THTPA: variants seen among roughly 807,000 people sequenced by gnomAD.
The protein encoded by THTPA is thiamine-triphosphatase.
A neutral mutation model predicts 16.5 loss-of-function variants in THTPA; 16 were observed. The ratio of observed to expected loss-of-function variants is 0.97; its 90% CI spans 0.66 to 1.47. The LOEUF is 1.47. THTPA is among the 40% of genes most tolerant of loss of function. The pLI, the probability that THTPA is intolerant of heterozygous loss-of-function variation, is 0.00. For synonymous variants in THTPA, 110 were observed against 115.5 expected (o/e 0.95, Z 0.30); for missense variants, 281 against 280.9 (o/e 1.00, Z 0.00).
At chr14:23,522,382 A>G in the THTPA span, 1 of 1,536,276 alleles carries the variant, frequency 6.5e-7, no homozygotes. Flanking sequence ...TCAGCAGCTC[A>G]TCAACCTCAC....
chr14:23,531,011 G>A, the THTPA span: 1 of 159,178 alleles, frequency 6.3e-6, no homozygotes, highest in Non-Finnish European at 1.4e-5. Context: ...CCTTAGGGCT[G>A]AAGACCTCCT....
chr14:23,520,083 C>A, the THTPA span, among the ~76,000 whole-genome samples: 1 of 152,186 alleles, frequency 6.6e-6, no homozygotes, highest in Non-Finnish European at 1.5e-5. This position sits in a 1 kb window ranked among gnomAD's most constrained non-coding sequence, Gnocchi z 8.7. Flanking sequence ...GCTACAGAAA[C>A]CATTTGCCTA....
the THTPA span, chr14:23,532,851 G>A: frequency 2.1e-5 from 32 of 1,536,212 alleles, no homozygotes; most frequent in African/African-American, 2.7e-5. Flanking sequence ...AGCTTGCAGC[G>A]GTGGGTGTCA....
upstream of THTPA, among the ~76,000 whole-genome samples, chr14:23,554,468 C>T (rs1452161542): frequency 2.0e-5 from 3 of 152,052 alleles, no homozygotes; most frequent in African/African-American, 7.2e-5. Flanking sequence ...CCTTGACCTC[C>T]TGGGCTCAAG....
chr14:23,530,222 T>G, the THTPA span: 1 of 1,484,346 alleles, frequency 6.7e-7, no homozygotes, highest in Non-Finnish European at 9.1e-7. Context: ...AGAGTCAGCT[T>G]AAAGAGGTGT....
At chr14:23,523,308 T>G in the THTPA span, 1 of 1,448,576 alleles carries the variant, frequency 6.9e-7, no homozygotes, top group Non-Finnish European at 9.0e-7. This position sits in a 1 kb window ranked among gnomAD's most constrained non-coding sequence, Gnocchi z 4.1. Flanking sequence ...CCGAGGGGCA[T>G]GGAGGCAGGT....
At chr14:23,534,078 G>A in the THTPA span, 1 of 1,517,480 alleles carries the variant, frequency 6.6e-7, no homozygotes, top group Admixed American at 2.0e-5. This position sits in a 1 kb window ranked among gnomAD's most constrained non-coding sequence, Gnocchi z 4.5. Flanking sequence ...GATAGGGCTG[G>A]GGTGGGTCAC....
upstream of THTPA, among the ~76,000 whole-genome samples, chr14:23,553,425 C>A (rs777935154): frequency 4.6e-5 from 7 of 151,410 alleles, no homozygotes; most frequent in African/African-American, 1.7e-4. Flanking sequence ...CATGGTGAAA[C>A]CCTGTCTCTA....
chr14:23,527,036 A>C, the THTPA span: 12 of 1,447,854 alleles, frequency 8.3e-6, no homozygotes, highest in Non-Finnish European at 1.1e-5. Context: ...GCCACTCCTG[A>C]CCCATCTGCC....
the THTPA span, among the ~76,000 whole-genome samples, chr14:23,541,168 A>G: frequency 6.6e-6 from 1 of 151,570 alleles, no homozygotes; most frequent in Non-Finnish European, 1.5e-5. Flanking sequence ...GGCCTCCCCA[A>G]GTGCTGGGAT....
upstream of THTPA, among the ~76,000 whole-genome samples, chr14:23,553,492 G>A (rs747269265): frequency 1.1e-4 from 16 of 151,958 alleles, no homozygotes; most frequent in Admixed American, 2.6e-4. Flanking sequence ...CCAGCTACTC[G>A]GGAGGCTGAG....
At chr14:23,524,059 C>T in the THTPA span, 2 of 1,516,802 alleles carry the variant, frequency 1.3e-6, no homozygotes, top group East Asian at 2.5e-5. The surrounding 1 kb of genome is among the most constrained non-coding windows in gnomAD (Gnocchi z 5.6). Context: ...CAGGTGCTTC[C>T]CTCTTTGGGG....
the THTPA span, chr14:23,524,503 C>T: frequency 5.2e-6 from 8 of 1,527,620 alleles, no homozygotes; most frequent in Non-Finnish European, 7.0e-6. The surrounding 1 kb of genome is among the most constrained non-coding windows in gnomAD (Gnocchi z 5.6). Context: ...GGTTTCTCTC[C>T]CCAAACACCA....
the THTPA span, chr14:23,527,107 C>T: frequency 2.3e-6 from 3 of 1,323,160 alleles, no homozygotes; most frequent in African/African-American, 3.0e-5. Context: ...CTGAACAAAC[C>T]TCCCACCTAA....
At chr14:23,534,739 G>A in the THTPA span, 1 of 1,536,190 alleles carries the variant, frequency 6.5e-7, no homozygotes, top group Non-Finnish European at 8.7e-7. The surrounding 1 kb of genome is among the most constrained non-coding windows in gnomAD (Gnocchi z 4.5). Flanking sequence ...GGCAGCCGGA[G>A]ATGGTGCTGA....
Position 23,558,720 on chromosome 14 carries a change from A to C in THTPA, c.573A>C (p.Pro191=), listed in dbSNP as rs1224677584. 6.2e-7 allele frequency: 1 copy of C among 1,614,242 alleles called. No homozygotes were observed. The highest frequency in any genetic ancestry group is 1.7e-5 in the Admixed American group (1 of 60,022). The stretch of plus-strand genomic sequence containing the variant: ...GTGTGCCTGCACAGGAGACAGCACC[A>C]GCCAAGCTGATTGTGTATCTACAGC... ...MLGVPAQETA[P]AKLIVYLQRF... is the part of the protein sequence containing the mutation. Residue 191 remains proline, a synonymous_variant, in exon 2 of 2, where the codon CCA becomes CCC. Transcript: ENST00000288014.
At chr14:23,530,489 C>T in the THTPA span, 1 of 600,816 alleles carries the variant, frequency 1.7e-6, no homozygotes, top group East Asian at 3.5e-5. Flanking sequence ...ACTCAGCTCC[C>T]TGTCTTAAAT....
At chr14:23,551,078 C>A (rs980208720), upstream of THTPA, among the ~76,000 whole-genome samples, 1 of 151,974 alleles carries the variant, frequency 6.6e-6, no homozygotes, top group Non-Finnish European at 1.5e-5. The surrounding 1 kb of genome is among the most constrained non-coding windows in gnomAD (Gnocchi z 5.3). Context: ...TCTCCCTCCA[C>A]CCCCGCATCT....
the THTPA span, chr14:23,529,838 C>G: frequency 6.8e-7 from 1 of 1,464,868 alleles, no homozygotes; most frequent in South Asian, 1.2e-5. Context: ...AGAGAGCTTC[C>G]AGGGTAGGGA....
Sources: gnomAD v4.1 joint callset for allele counts (sites outside exome capture counted in the v4.1 genomes callset) on GRCh38, gnomAD v4.1.1 for gene constraint, Gnocchi (gnomAD v3.1) non-coding constraint, MANE v1.5 for transcripts, NCBI Gene and HGNC (gene_info 2026-07-23, HGNC 2026-07-21) for gene names.